Variants in AP4E1 observed in about 807,000 individuals in gnomAD.
The protein encoded by AP4E1 is adaptor related protein complex 4 subunit epsilon 1, also known as AP-4 complex subunit epsilon-1.
In AP4E1, 56 loss-of-function variants were observed where a neutral mutation model predicts 128.2. The observed-to-expected ratio is 0.44, with a 90% CI of 0.35 to 0.55. AP4E1 has a LOEUF of 0.55. Among genes scored for constraint, AP4E1 ranks in the 20% least tolerant of loss-of-function variants. The pLI is 0.00. For missense variants in AP4E1, 1,324 were observed against 1,307.7 expected (o/e 1.01, Z -0.19); for synonymous variants, 484 against 473.1 (o/e 1.02, Z -0.30).
intron 15 of AP4E1, among the ~76,000 whole-genome samples, chr15:50,974,705 TCAC>T (rs1297301615): frequency 2.6e-5 from 4 of 152,220 alleles, no homozygotes. Context: ...TCTTTGATAA[TCAC>T]CATCCTGACT....
chr15:50,941,869 G>A, intron 10 of AP4E1, 94 bp downstream of exon 10: 2 of 877,828 alleles, frequency 2.3e-6, no homozygotes, highest in South Asian at 1.4e-5. Context: ...TGGGCAGTGT[G>A]TATGTTTGCT....
intron 15 of AP4E1, among the ~76,000 whole-genome samples, chr15:50,981,639 A>G (rs1447410020): frequency 5.3e-5 from 8 of 152,240 alleles, no homozygotes; most frequent in African/African-American, 1.2e-4. Context: ...GCAGAATGCT[A>G]TGGTGTGAAT....
intron 13 of AP4E1, among the ~76,000 whole-genome samples, chr15:50,951,152 T>C (rs575657199): frequency 6.6e-6 from 1 of 152,340 alleles, no homozygotes; most frequent in East Asian, 1.9e-4. Flanking sequence ...ATGGCTTAGC[T>C]GGGTTCTCTG....
In AP4E1 at chr15:50,958,678, A is replaced by G. The variant is rs757477553; in HGVS notation, c.1735A>G (p.Thr579Ala). 2 of 1,614,176 alleles carry G rather than the reference A, an allele frequency of 1.2e-6. No homozygotes were observed. The highest frequency in any genetic ancestry group is 1.7e-5 in the Admixed American group (1 of 60,026). The part of the protein sequence containing the change: ...NTVERLIHEF[T>A]ISLDTCMRQH... ...AGTTGAGAGATTAATCCATGAATTTACCATATCTTTGGATACTTGTATGAG... is the reference window on the plus strand; with the variant it reads ...AGTTGAGAGATTAATCCATGAATTTGCCATATCTTTGGATACTTGTATGAG... The change falls in exon 14 of 21, where the codon ACC (threonine) becomes GCC (alanine). Residue 579 changes from threonine (T) to alanine (A), a missense_variant. Thr to Ala is a moderately conservative substitution (Grantham distance 58). Transcript: ENST00000261842.
intron 10 of AP4E1, among the ~76,000 whole-genome samples, chr15:50,943,725 AG>A (rs2064019866): frequency 1.3e-5 from 2 of 152,178 alleles, no homozygotes; most frequent in Non-Finnish European, 2.9e-5. Context: ...AACCATAGAT[AG>A]TATTGAACCA....
intron 15 of AP4E1, among the ~76,000 whole-genome samples, chr15:50,981,170 C>T (rs2064638320): frequency 6.6e-6 from 1 of 152,082 alleles, no homozygotes; most frequent in African/African-American, 2.4e-5. Context: ...ACTCCAATCC[C>T]CTGAGAGCTG....
chr15:50,957,362 C>T (rs150847643), intron 13 of AP4E1, among the ~76,000 whole-genome samples: 4 of 152,190 alleles, frequency 2.6e-5, no homozygotes, highest in East Asian at 3.9e-4. Context: ...GAAGTAAAGC[C>T]GCTTCTCTCT....
intron 5 of AP4E1, among the ~76,000 whole-genome samples, chr15:50,926,466 A>G (rs750144584): frequency 1.8e-4 from 27 of 152,040 alleles, no homozygotes; most frequent in Non-Finnish European, 2.8e-4. Context: ...AAGGTTTGCA[A>G]TCATTGTGAT....
rs2064150710 is a variant in AP4E1, at chr15:50,951,609, G to A, written c.1548+1440G>A. ...AGAATTGCCAAATGTTAGCATGTTA[G>A]CTTAAATTTTCCCCAGATTTTTACT... On this transcript the variant is annotated intron_variant, in intron 13 of 20. Transcript: ENST00000261842. 2.6e-5 allele frequency among the ~76,000 whole-genome samples: 4 copies of A among 151,902 alleles called. No homozygotes were observed. The South Asian group carries it at 8.3e-4, about 31-fold the overall frequency.
chr15:50,962,889 C>CAAAAAAAAAAAAAAAAAAAAA lies in AP4E1; in HGVS notation c.1851+4102_1851+4122dup, dbSNP rs71127168. Among the ~76,000 whole-genome samples the CAAAAAAAAAAAAAAAAAAAAA allele has an allele frequency of 7.2e-4, 28 of 38,710 alleles. 5 individuals are homozygous for CAAAAAAAAAAAAAAAAAAAAA. The highest frequency in any genetic ancestry group is 3.2e-3 in the African/African-American group (28 of 8,720). The allele number at this position is 38,710 out of a possible 152,430, so 25.4% of individuals were successfully genotyped here. On this transcript the variant is annotated intron_variant, in intron 14 of 20. Transcript: ENST00000261842. The stretch of plus-strand genomic sequence containing the variant: ...ATATATAAGGAACTCAATTCAACAG[C>CAAAAAAAAAAAAAAAAAAAAA]AAAAAAAAAAAAAAAAAAAAAAAAA...
At chr15:50,922,800 C>T (rs1296353128) in intron 3 of AP4E1, among the ~76,000 whole-genome samples, 2 of 148,270 alleles carry the variant, frequency 1.3e-5, no homozygotes, top group African/African-American at 5.0e-5. Context: ...TTTTTTGAGA[C>T]CGAGTCTTGC....
chr15:50,986,362 G>A (rs1187002378), intron 16 of AP4E1, among the ~76,000 whole-genome samples: 1 of 152,184 alleles, frequency 6.6e-6, no homozygotes, highest in Non-Finnish European at 1.5e-5. Flanking sequence ...GGAGTGGTGA[G>A]AGAGGGCATC....
At chr15:50,934,944 T>G (rs566138588) in intron 8 of AP4E1, among the ~76,000 whole-genome samples, 1 of 152,122 alleles carries the variant, frequency 6.6e-6, no homozygotes. Flanking sequence ...AAAACACATA[T>G]CAATTATCTA....
chr15:50,969,990 CTA>C (rs1227366160), intron 15 of AP4E1, among the ~76,000 whole-genome samples: 1 of 152,144 alleles, frequency 6.6e-6, no homozygotes, highest in African/African-American at 2.4e-5. Flanking sequence ...GTTTTTGAGA[CTA>C]TGTGATACTT....
At chr15:50,987,409 A>G (rs966954110) in intron 16 of AP4E1, among the ~76,000 whole-genome samples, 15 of 152,266 alleles carry the variant, frequency 9.9e-5, no homozygotes, top group East Asian at 3.9e-4. Context: ...TGTCAATTTT[A>G]GATCTTTCCT....
At chr15:50,991,952 A>G (rs1030395606) in intron 16 of AP4E1, among the ~76,000 whole-genome samples, 14 of 149,156 alleles carry the variant, frequency 9.4e-5, no homozygotes, top group Non-Finnish European at 1.9e-4. Context: ...AGTGCCAAGG[A>G]CACATAGTTC....
At chr15:50,954,581 G>C (rs1343001575) in intron 13 of AP4E1, among the ~76,000 whole-genome samples, 1 of 152,042 alleles carries the variant, frequency 6.6e-6, no homozygotes, top group Non-Finnish European at 1.5e-5. Flanking sequence ...TTCTGTTGCT[G>C]ATTTCTAGTT....
At chr15:50,925,009 T>A in intron 4 of AP4E1, 89 bp from the exon 5 acceptor site, 1 of 1,450,198 alleles carries the variant, frequency 6.9e-7, no homozygotes, top group East Asian at 2.3e-5. Flanking sequence ...ACAAAATTAC[T>A]AAGTATATAG....
At chr15:50,912,307 T>C (rs774932962) in intron 2 of AP4E1, among the ~76,000 whole-genome samples, 158 bp downstream of exon 2, 5 of 152,244 alleles carry the variant, frequency 3.3e-5, no homozygotes, top group Admixed American at 6.5e-5. Flanking sequence ...CTTTAGCCTT[T>C]TATTGTTGAC....
Sources: gnomAD v4.1 joint callset for allele counts (sites outside exome capture counted in the v4.1 genomes callset) on GRCh38, gnomAD v4.1.1 for gene constraint, MANE v1.5 for transcripts, NCBI Gene and HGNC (gene_info 2026-07-23, HGNC 2026-07-21) for gene names.